The following SND1 variants were observed in gnomAD, a reference collection of about 807,000 sequenced individuals.
SND1 encodes the protein staphylococcal nuclease domain-containing protein 1.
SND1 carries 38 observed loss-of-function variants against 121.7 expected under a neutral mutation model. That is an observed-to-expected ratio of 0.31 (90% CI 0.24 to 0.41). The LOEUF (loss-of-function observed/expected upper bound fraction) is 0.41, where lower values mean the gene tolerates loss of function less well. SND1 is among the 10% of genes least tolerant of loss of function. SND1 has a pLI of 1.00. For missense variants in SND1, 868 were observed against 1,184.6 expected, an observed-to-expected ratio of 0.73 and a Z score of 3.92; for synonymous variants, 401 against 447.4, an observed-to-expected ratio of 0.90 and a Z score of 1.31.
chr7:127,705,716 C>T (rs115628537), intron 8 of SND1, among the ~76,000 whole-genome samples: 190 of 152,164 alleles, frequency 1.2e-3, no homozygotes, highest in Non-Finnish European at 1.8e-3. Flanking sequence ...AAATGATGCT[C>T]GGGAAAGTCT....
chr7:127,863,664 A>G (rs1225972908), intron 12 of SND1, among the ~76,000 whole-genome samples: 2 of 152,202 alleles, frequency 1.3e-5, no homozygotes, highest in Non-Finnish European at 2.9e-5. Context: ...TACAAGCACC[A>G]TGGAAAGTAA....
At chr7:127,743,304 C>T (rs73723066) in intron 10 of SND1, among the ~76,000 whole-genome samples, 2,621 of 152,310 alleles carry the variant, frequency 0.017, 94 homozygotes, top group African/African-American at 0.059. Flanking sequence ...GTGGGAACCT[C>T]GGTGTGCAAG....
intron 14 of SND1, among the ~76,000 whole-genome samples, chr7:127,923,987 T>C (rs1220897881): frequency 2.0e-3 from 153 of 77,086 alleles, no homozygotes; most frequent in African/African-American, 4.3e-3. Flanking sequence ...ATCTCCACAC[T>C]TTTTTTTTTT....
At chr7:127,848,494 G>A (rs918704218) in intron 12 of SND1, among the ~76,000 whole-genome samples, 2 of 152,236 alleles carry the variant, frequency 1.3e-5, no homozygotes, top group Admixed American at 6.5e-5. Context: ...GGTTAGTAAA[G>A]AGAGCTTCTA....
chr7:127,917,751 G>A (rs993985742), intron 14 of SND1, among the ~76,000 whole-genome samples: 4 of 152,092 alleles, frequency 2.6e-5, no homozygotes, highest in African/African-American at 7.2e-5. Flanking sequence ...TTAGAAACAG[G>A]CTACTTAGTT....
In SND1 at chr7:127,842,580, G is replaced by A. The variant is rs75355264; in HGVS notation, c.1243-1744G>A. On this transcript the variant is annotated intron_variant, in intron 11 of 23. Transcript: ENST00000354725. ...CTTAACTCTCAAGTATGTTGGTGTT[G>A]GGCTTAATTAGCTGTATCTTTTTGA... Among the ~76,000 whole-genome samples, 193 of 152,244 alleles carry A rather than the reference G, an allele frequency of 1.3e-3. 2 individuals are homozygous for A. The East Asian group carries it at 0.036, about 28-fold the overall frequency.
intron 11 of SND1, among the ~76,000 whole-genome samples, chr7:127,821,629 C>G (rs1323752963): frequency 6.6e-6 from 1 of 151,692 alleles, no homozygotes; most frequent in Non-Finnish European, 1.5e-5. Flanking sequence ...TTTTAAACTG[C>G]CAGGAAGATA....
At chr7:127,705,463 G>A (rs763572683) in intron 8 of SND1, among the ~76,000 whole-genome samples, 3 of 152,162 alleles carry the variant, frequency 2.0e-5, no homozygotes, top group Non-Finnish European at 4.4e-5. Context: ...TTATTGGTGT[G>A]TTTTTGACTT....
rs765467448 is a variant in SND1, at chr7:128,085,678, G to A, written c.2235-33G>A. ...CTGGGAGCCCAGAGTCCTCAGGGCT[G>A]TCTCTTGAGCTCTGCCCATGATGCC... On this transcript the variant is annotated intron_variant, in intron 19 of 23. Transcript: ENST00000354725. This position sits in a 1 kb window ranked among gnomAD's most constrained non-coding sequence, Gnocchi z 4.4. The A allele has an allele frequency of 3.1e-6, 5 of 1,608,710 alleles. No homozygotes were observed. The highest frequency in any genetic ancestry group is 1.7e-4 in the Middle Eastern group (1 of 6,040).
chr7:128,043,689 G>T (rs993226526), intron 16 of SND1, among the ~76,000 whole-genome samples: 10 of 151,432 alleles, frequency 6.6e-5, no homozygotes, highest in African/African-American at 1.9e-4. Context: ...ATTTGATAAA[G>T]AATGTTACCT....
intron 16 of SND1, among the ~76,000 whole-genome samples, chr7:128,063,036 GTGGT>G (rs1002434289): frequency 3.9e-5 from 6 of 152,302 alleles, no homozygotes; most frequent in African/African-American, 1.4e-4. Context: ...ACGCTAGACA[GTGGT>G]CTGGGCTCCG....
chr7:127,846,608 C>T (rs200439931), intron 12 of SND1, among the ~76,000 whole-genome samples: 3 of 152,100 alleles, frequency 2.0e-5, no homozygotes, highest in East Asian at 3.9e-4. Context: ...TTGAGTGATT[C>T]ATTAACTTTA....
chr7:127,722,831 G>A (rs1796519722), intron 10 of SND1, among the ~76,000 whole-genome samples: 1 of 152,092 alleles, frequency 6.6e-6, no homozygotes, highest in Middle Eastern at 3.2e-3. Context: ...CTTAGAGGAG[G>A]CAGTTTAATG....
At chr7:127,799,121 A>C (rs1798079590) in intron 10 of SND1, among the ~76,000 whole-genome samples, 1 of 152,164 alleles carries the variant, frequency 6.6e-6, no homozygotes, top group Non-Finnish European at 1.5e-5. Context: ...TGGGCTTGGT[A>C]GTCTGCATGG....
intron 12 of SND1, among the ~76,000 whole-genome samples, chr7:127,872,827 G>A (rs1007416937): frequency 9.9e-5 from 15 of 152,214 alleles, no homozygotes; most frequent in African/African-American, 2.6e-4. Flanking sequence ...GTCTGCGATC[G>A]ATTTTTTTCT....
intron 16 of SND1, among the ~76,000 whole-genome samples, chr7:128,011,963 T>C (rs551859617): frequency 1.3e-5 from 2 of 152,300 alleles, no homozygotes; most frequent in South Asian, 4.1e-4. Context: ...ATTTTCAGTA[T>C]TTTGAATTTT....
intron 10 of SND1, among the ~76,000 whole-genome samples, chr7:127,732,349 C>T (rs1021102439): frequency 6.6e-6 from 1 of 152,184 alleles, no homozygotes; most frequent in African/African-American, 2.4e-5. Context: ...AATTTGTAAA[C>T]TTGGGTTTGA....
intron 11 of SND1, among the ~76,000 whole-genome samples, chr7:127,834,043 C>A (rs325450): frequency 6.6e-6 from 1 of 151,978 alleles, no homozygotes; most frequent in South Asian, 2.1e-4. Context: ...CTTTTTAAAG[C>A]TGAATAACAT....
chr7:128,066,231 G>A (rs904968826), intron 16 of SND1, among the ~76,000 whole-genome samples: 7 of 152,136 alleles, frequency 4.6e-5, no homozygotes, highest in Non-Finnish European at 1.0e-4. Context: ...CATTCCAGGC[G>A]GGAGAGAAAG....
Sources: gnomAD v4.1 joint callset for allele counts (sites outside exome capture counted in the v4.1 genomes callset) on GRCh38, gnomAD v4.1.1 for gene constraint, Gnocchi (gnomAD v3.1) non-coding constraint, MANE v1.5 for transcripts, NCBI Gene and HGNC (gene_info 2026-07-23, HGNC 2026-07-21) for gene names.